The following RSPH3 variants were observed in gnomAD, a reference collection of about 807,000 sequenced individuals.
RSPH3 encodes radial spoke head protein 3 homolog.
Under a neutral mutation model 43.8 loss-of-function variants are expected in RSPH3, and 21 were observed. That is an observed-to-expected ratio of 0.48 (90% CI 0.34 to 0.69). The LOEUF (loss-of-function observed/expected upper bound fraction) is 0.69, where lower values mean the gene tolerates loss of function less well. Ranked by LOEUF, RSPH3 falls within the 30% of genes least tolerant of loss-of-function variation. The probability of loss-of-function intolerance (pLI) is 0.01; values close to 1 mark genes in which losing one functional copy is unlikely to be tolerated. For missense variants in RSPH3, 487 were observed against 516.0 expected, an observed-to-expected ratio of 0.94 and a Z score of 0.54; for synonymous variants, 173 against 179.8, an observed-to-expected ratio of 0.96 and a Z score of 0.30.
Position 158,983,686 on chromosome 6 carries a change from C to T in RSPH3, c.468G>A (p.Val156=), listed in dbSNP as rs1450661851. 1 of 1,613,582 alleles carries T rather than the reference C, an allele frequency of 6.2e-7. No homozygotes were observed. Among genetic ancestry groups the T allele is most frequent in the Non-Finnish European group, 8.5e-7 (1 of 1,179,640 alleles). Residue 156 remains valine (V), a synonymous_variant, in exon 4 of 8, where the codon GTG becomes GTA. Transcript: ENST00000367069. The part of the protein sequence containing the change: ...LFIPAKTGKD[V]ATQILEGELF... ...CCTCTCCTTCTAGTATTTGGGTGGC[C>T]ACATCTTTGCCAGTTTTGGCAGGAA...
chr6:158,986,081 G>A (rs1260196459), intron 3 of RSPH3, among the ~76,000 whole-genome samples, 199 bp downstream of exon 3: 1 of 152,122 alleles, frequency 6.6e-6, no homozygotes, highest in Non-Finnish European at 1.5e-5. Context: ...CTCCCCAAGT[G>A]CTGAGATTAC....
chr6:158,963,501 CTCTT>C, the RSPH3 span, among the ~76,000 whole-genome samples: 1 of 124,098 alleles, frequency 8.1e-6, no homozygotes, highest in Non-Finnish European at 1.7e-5. Context: ...CCTTCCCAGT[CTCTT>C]TCTCTTTCCC....
intron 2 of RSPH3, among the ~76,000 whole-genome samples, chr6:158,987,770 C>T (rs1233783878): frequency 6.6e-6 from 1 of 152,168 alleles, no homozygotes; most frequent in Non-Finnish European, 1.5e-5. Flanking sequence ...TCCATCCCCC[C>T]ACATACTAAC....
chr6:158,999,537 A>T lies in RSPH3; in HGVS notation c.14T>A (p.Leu5Gln). The part of the protein sequence containing the change: MASA[L>Q]TDRTSRAPST... ...CGGGGCCCGAGAGGTGCGATCAGTCAGCGCTGAGGCCATGTCCGGGGGCTG... is the reference window on the plus strand; with the variant it reads ...CGGGGCCCGAGAGGTGCGATCAGTCTGCGCTGAGGCCATGTCCGGGGGCTG... Residue 5 changes from leucine to glutamine, a missense_variant, in exon 1 of 8, where the codon CTG becomes CAG. By Grantham distance (113) the Leu-to-Gln change is moderately radical (BLOSUM62 -2). Coordinates refer to ENST00000367069, the MANE Select transcript of RSPH3 (RefSeq NM_031924.8). 6.3e-7 allele frequency: 1 copy of T among 1,592,368 alleles called. No homozygotes were observed. The highest frequency in any genetic ancestry group is 8.6e-7 in the Non-Finnish European group (1 of 1,165,568).
At chr6:158,994,105 G>A (rs1778510542) in intron 1 of RSPH3, among the ~76,000 whole-genome samples, 179 bp from the exon 2 acceptor site, 1 of 152,146 alleles carries the variant, frequency 6.6e-6, no homozygotes, top group South Asian at 2.1e-4. Context: ...CTTACTATAT[G>A]CCAGGTCCTT....
At chr6:158,978,611 G>A (rs1324287919) in intron 6 of RSPH3, among the ~76,000 whole-genome samples, 3 of 152,094 alleles carry the variant, frequency 2.0e-5, no homozygotes, top group Admixed American at 6.5e-5. Context: ...CGCGATCTCT[G>A]CTCACTGCAA....
rs563140489 is a variant in RSPH3, at chr6:158,989,940, G to A, written c.205-3519C>T. On this transcript the variant is annotated intron_variant, in intron 2 of 7. Coordinates refer to ENST00000367069, the MANE Select transcript of RSPH3 (RefSeq NM_031924.8). This position sits in a 1 kb window ranked among gnomAD's most constrained non-coding sequence, Gnocchi z 4.3. ...GGCAGACCCACCCTTAATCGGGGTG[G>A]GCACAATCTAATCAACTGCCAGAGT... Among the ~76,000 whole-genome samples, 107 of 152,210 alleles carry A rather than the reference G, an allele frequency of 7.0e-4. No homozygotes were observed. Among genetic ancestry groups the A allele is most frequent in the African/African-American group, 2.5e-3 (103 of 41,524 alleles).
chr6:158,982,861 T>C (rs1374828959), intron 4 of RSPH3, among the ~76,000 whole-genome samples, 173 bp from the exon 5 acceptor site: 1 of 152,152 alleles, frequency 6.6e-6, no homozygotes, highest in Non-Finnish European at 1.5e-5. Flanking sequence ...CAACATTTTG[T>C]TTACAGGCAA....
At position 158,999,840 on chromosome 6, in the gene RSPH3, C is replaced by A; in HGVS notation, c.-290G>T. 6.2e-7 allele frequency: 1 copy of A among 1,613,872 alleles called. No homozygotes were observed. The highest frequency in any genetic ancestry group is 8.5e-7 in the Non-Finnish European group (1 of 1,179,916). ...CGGGAACTCCGGGCAGTTCCGGTCC[C>A]CAGGTTTCCCGGGAAGGACTGCGGC... On this transcript the variant is annotated 5_prime_UTR_variant, in exon 1 of 8. Coordinates refer to ENST00000367069, the MANE Select transcript of RSPH3 (RefSeq NM_031924.8).
chr6:158,981,253 T>C (rs949367019), intron 5 of RSPH3, among the ~76,000 whole-genome samples: 14 of 152,222 alleles, frequency 9.2e-5, no homozygotes, highest in African/African-American at 3.4e-4. Context: ...TAAATTAATA[T>C]TATCATGAAA....
the RSPH3 span, among the ~76,000 whole-genome samples, chr6:158,965,091 TC>T: frequency 6.6e-6 from 1 of 152,174 alleles, no homozygotes; most frequent in Non-Finnish European, 1.5e-5. Flanking sequence ...TGAACATATG[TC>T]AAAAATTAAT....
At chr6:158,981,616 AG>A (rs1778032835) in intron 5 of RSPH3, among the ~76,000 whole-genome samples, 1 of 152,186 alleles carries the variant, frequency 6.6e-6, no homozygotes, top group Non-Finnish European at 1.5e-5. Flanking sequence ...ATTTTGCCAC[AG>A]TTTTTTTATA....
In RSPH3 at chr6:158,982,515, T is replaced by C. The variant is rs766474821; in HGVS notation, c.666A>G (p.Glu222=). Reference sequence around the variant, plus strand: ...CTTCTCGGTGTCGCCTCTCTTGCTCTTCAAGTCGTTGAACTTCAGCACGTT... The same window carrying C: ...CTTCTCGGTGTCGCCTCTCTTGCTCCTCAAGTCGTTGAACTTCAGCACGTT... ...NSERAEVQRL[E]EQERRHREEK... Residue 222 remains glutamate (E), a synonymous_variant, in exon 5 of 8, where the codon GAA becomes GAG. Transcript: ENST00000367069. The C allele has an allele frequency of 3.4e-5, 51 of 1,492,570 alleles. No homozygotes were observed. In the South Asian group the frequency reaches 5.8e-4, roughly 17 times the overall value. 92.5% of individuals were successfully genotyped at this position (1,492,570 alleles called of 1,614,324 possible).
intron 1 of RSPH3, among the ~76,000 whole-genome samples, chr6:158,996,019 C>T (rs1385873803): frequency 6.6e-6 from 1 of 152,186 alleles, no homozygotes; most frequent in Non-Finnish European, 1.5e-5. Context: ...ATCTCAAAGT[C>T]CCTTTTACCA....
rs889809628 is a variant in RSPH3 at position 159,000,124 on chromosome 6, A to G, written c.-574T>C. The G allele has an allele frequency of 1.2e-5, 10 of 834,402 alleles. No individual in the cohort carries two copies. The highest frequency in any genetic ancestry group is 1.8e-5 in the African/African-American group (1 of 56,766). 51.7% of individuals were successfully genotyped at this position (834,402 alleles called of 1,614,324 possible). A position where few individuals can be genotyped will look rare whatever the true frequency, so the allele number is the denominator to read the frequency against. ...GCTGTTTCTCCTGCCGCGGCGCAGC[A>G]GCGCTCCCAGGCTGCCCCCGCGATA... On this transcript the variant is annotated 5_prime_UTR_variant, in exon 1 of 8. Coordinates refer to ENST00000367069, the MANE Select transcript of RSPH3 (RefSeq NM_031924.8).
chr6:158,971,647 A>C (rs1274466879), downstream of RSPH3, among the ~76,000 whole-genome samples: 1 of 152,196 alleles, frequency 6.6e-6, no homozygotes, highest in Non-Finnish European at 1.5e-5. Flanking sequence ...TGTAGGGTCA[A>C]TAATGAAATA....
At chr6:158,966,764 A>C in the RSPH3 span, among the ~76,000 whole-genome samples, 4 of 151,748 alleles carry the variant, frequency 2.6e-5, no homozygotes, top group East Asian at 1.9e-4. Flanking sequence ...GCAAAAAAAA[A>C]CCAAATTTGT....
In RSPH3 at chr6:158,978,285, G is replaced by T; in HGVS notation, c.921C>A (p.Ser307Arg). ...TGTCAAGCACTGTTCTTCCCACCAT[G>T]CTATATTCCATGGTTTTTTCAACTT... Reference protein sequence around the residue: ...MNEVEKTMEYSMVGRTVLDML... With the variant: ...MNEVEKTMEYRMVGRTVLDML... The change falls in exon 7 of 8, where the codon AGC (serine) becomes AGA (arginine). Residue 307 changes from serine (S) to arginine (R), a missense_variant. Ser to Arg is a moderately radical substitution (Grantham distance 110, BLOSUM62 -1). Transcript: ENST00000367069. 1 of 1,582,214 alleles carries T rather than the reference G, an allele frequency of 6.3e-7. No homozygotes were observed. Among genetic ancestry groups the T allele is most frequent in the Non-Finnish European group, 8.7e-7 (1 of 1,152,566 alleles).
rs757663295 is a variant in RSPH3, at chr6:158,980,765, TC to T, written c.859+8del. 6.2e-7 allele frequency: 1 copy of T among 1,604,168 alleles called. No homozygotes were observed. The highest frequency in any genetic ancestry group is 8.5e-7 in the Non-Finnish European group (1 of 1,172,094). ...CAACAAAATTAATCTAACAAAAATA[TC>T]TACAAACCTCTTTCAATGGGATCAT... On this transcript the variant is annotated splice_region_variant and intron_variant, in intron 6 of 7. Coordinates refer to ENST00000367069, the MANE Select transcript of RSPH3 (RefSeq NM_031924.8).
Sources: allele counts gnomAD v4.1 joint callset (sites outside exome capture counted in the v4.1 genomes callset), GRCh38; gene constraint gnomAD v4.1.1; non-coding constraint Gnocchi (gnomAD v3.1); transcripts MANE v1.5; gene names NCBI Gene and HGNC (gene_info 2026-07-23, HGNC 2026-07-21).